The following SNIP1 variants were observed in gnomAD, a reference collection of about 807,000 sequenced individuals.
SNIP1 encodes the protein smad nuclear-interacting protein 1.
SNIP1 carries 23 observed loss-of-function variants against 37.4 expected under a neutral mutation model. That is an observed-to-expected ratio of 0.61 (90% CI 0.44 to 0.87). The LOEUF is 0.87. Among genes scored for constraint, SNIP1 ranks in the 40% least tolerant of loss-of-function variants. SNIP1 has a pLI of 0.00. For synonymous variants in SNIP1, 174 were observed against 200.0 expected (o/e 0.87, Z 1.10); for missense variants, 459 against 540.4 (o/e 0.85, Z 1.49).
At chr1:37,547,561 C>T (rs1174765658) in intron 2 of SNIP1, among the ~76,000 whole-genome samples, 2 of 151,320 alleles carry the variant, frequency 1.3e-5, no homozygotes, top group Admixed American at 1.3e-4. Flanking sequence ...TGGTGAAACC[C>T]CGTCTCTACT....
At chr1:37,553,737 T>C (rs1398543934) in intron 1 of SNIP1, among the ~76,000 whole-genome samples, 2 of 152,092 alleles carry the variant, frequency 1.3e-5, no homozygotes, top group African/African-American at 4.8e-5. Flanking sequence ...ATCAGTGCTA[T>C]CTGTTGGGCC....
Position 37,552,682 on chromosome 1 carries a change from T to C in SNIP1, c.290A>G (p.Asn97Ser). Residue 97 changes from asparagine (N) to serine (S), a missense_variant, in exon 2 of 4, where the codon AAC becomes AGC. By Grantham distance (46) the Asn-to-Ser change is conservative. Transcript: ENST00000296215. ...RRSKSPRSKR[N>S]RSPHHSTVKV... ...GACTGTTGAGTGGTGAGGACTTCGG[T>C]TTCTCTTACTGCGAGGAGACTTGCT... 6.2e-7 allele frequency: 1 copy of C among 1,614,184 alleles called. No individual in the cohort carries two copies. Among genetic ancestry groups the C allele is most frequent in the Non-Finnish European group, 8.5e-7 (1 of 1,180,016 alleles).
chr1:37,551,073 TG>T (rs1643295212), intron 2 of SNIP1, among the ~76,000 whole-genome samples: 4 of 61,636 alleles, frequency 6.5e-5, no homozygotes, highest in Non-Finnish European at 1.6e-4. Flanking sequence ...CCAGCCTGGG[TG>T]ACACACACAC....
In SNIP1 at chr1:37,534,793, G is replaced by A. The variant is rs1643065501; in HGVS notation, c.*2955C>T. The A allele has an allele frequency of 6.6e-6, 1 of 152,184 alleles. No individual in the cohort carries two copies. The highest frequency in any genetic ancestry group is 1.5e-5 in the Non-Finnish European group (1 of 68,040). 9.4% of individuals were successfully genotyped at this position (152,184 alleles called of 1,614,324 possible). On this transcript the variant is annotated 3_prime_UTR_variant, in exon 4 of 4. Coordinates refer to ENST00000296215, the MANE Select transcript of SNIP1 (RefSeq NM_024700.4). ...CTCTGCAGAATCATGGACCCCCACA[G>A]AGGACTTAGGGGAGGGGCTCAGAAG...
intron 3 of SNIP1, among the ~76,000 whole-genome samples, chr1:37,539,017 G>A (rs924868470): frequency 1.3e-5 from 2 of 152,112 alleles, no homozygotes; most frequent in Non-Finnish European, 2.9e-5. Flanking sequence ...GATCTAGGTT[G>A]CGCGCTCCTT....
intron 2 of SNIP1, among the ~76,000 whole-genome samples, chr1:37,545,804 AAATAAT>A (rs1170075120): frequency 6.6e-6 from 1 of 152,068 alleles, no homozygotes; most frequent in Non-Finnish European, 1.5e-5. Flanking sequence ...CCCTCTCTAA[AAATAAT>A]AATAAAAATA....
chr1:37,546,223 T>C (rs1481216235), intron 2 of SNIP1, among the ~76,000 whole-genome samples: 1 of 150,862 alleles, frequency 6.6e-6, no homozygotes, highest in East Asian at 2.0e-4. Context: ...TCAGTTTTTC[T>C]AGACTTCCTA....
At chr1:37,549,828 C>A (rs575013670) in intron 2 of SNIP1, among the ~76,000 whole-genome samples, 1 of 152,284 alleles carries the variant, frequency 6.6e-6, no homozygotes, top group South Asian at 2.1e-4. Context: ...TCAGTCCATA[C>A]AATTTCAAGA....
chr1:37,554,277 T>C lies in SNIP1; in HGVS notation c.-48A>G, dbSNP rs1471844536. On this transcript the variant is annotated 5_prime_UTR_variant, in exon 1 of 4. Coordinates refer to ENST00000296215, the MANE Select transcript of SNIP1 (RefSeq NM_024700.4). ...AGAAAACAGATCAGTTGAGCTCCTCTAGCTGGAGGAAATGACGAGTTTAAC... is the reference window on the plus strand; with the variant it reads ...AGAAAACAGATCAGTTGAGCTCCTCCAGCTGGAGGAAATGACGAGTTTAAC... 6.6e-6 allele frequency: 10 copies of C among 1,519,354 alleles called. No individual in the cohort carries two copies. Among genetic ancestry groups the C allele is most frequent in the Admixed American group, 2.1e-5 (1 of 47,736 alleles). The allele number at this position is 1,519,354 out of a possible 1,614,324, so 94.1% of individuals were successfully genotyped here.
chr1:37,548,102 G>A (rs1273917054), intron 2 of SNIP1, among the ~76,000 whole-genome samples: 5 of 131,764 alleles, frequency 3.8e-5, no homozygotes, highest in East Asian at 2.4e-4. Flanking sequence ...GCAGTAAGCC[G>A]AGATCGCACC....
At chr1:37,538,932 C>T (rs1383541042) in intron 3 of SNIP1, among the ~76,000 whole-genome samples, 4 of 152,148 alleles carry the variant, frequency 2.6e-5, no homozygotes, top group Admixed American at 6.6e-5. Context: ...GCCTGAGCTC[C>T]GCCTCCTGTC....
chr1:37,543,338 T>C (rs1314336623), intron 2 of SNIP1, among the ~76,000 whole-genome samples: 2 of 152,100 alleles, frequency 1.3e-5, no homozygotes, highest in Non-Finnish European at 2.9e-5. Context: ...AAATCAATCC[T>C]ACAGAAATAC....
chr1:37,546,890 G>C (rs1643245434), intron 2 of SNIP1, among the ~76,000 whole-genome samples: 1 of 152,100 alleles, frequency 6.6e-6, no homozygotes, highest in African/African-American at 2.4e-5. Flanking sequence ...ATCTAACAGA[G>C]TTAATCACTC....
At chr1:37,548,733 C>CAAAAAA (rs1434961366) in intron 2 of SNIP1, 1 of 68,636 alleles carries the variant, frequency 1.5e-5, no homozygotes, top group African/African-American at 5.7e-5. Context: ...GACTCCGTCT[C>CAAAAAA]AAAAAAAAAA....
chr1:37,552,510 G>A (rs1291909932), intron 2 of SNIP1, 135 bp downstream of exon 2: 3 of 660,696 alleles, frequency 4.5e-6, no homozygotes, highest in South Asian at 4.4e-5. Flanking sequence ...AAAGCCCATC[G>A]GAGGTACAAG....
rs147613529 is a variant in SNIP1 at position 37,540,562 on chromosome 1, G to A, written c.521C>T (p.Ala174Val). The A allele has an allele frequency of 1.1e-3, 1,716 of 1,614,042 alleles. 8 individuals carry two copies. In the Middle Eastern group the frequency reaches 0.03, roughly 28 times the overall value. Residue 174 changes from alanine (A) to valine (V), a missense_variant, in exon 3 of 4, where the codon GCT (alanine) becomes GTT (valine). Ala to Val is a moderately conservative substitution (Grantham distance 64). Coordinates refer to ENST00000296215, the MANE Select transcript of SNIP1 (RefSeq NM_024700.4). This position sits in a 1 kb window ranked among gnomAD's most constrained non-coding sequence, Gnocchi z 5.6. ...GRDRDTQNLQ[A>V]QEEEREFYNA... ...ATAAAACTCCCGCTCTTCTTCCTGA[G>A]CCTGCAGGTTCTGAGTGTCTCGATC...
At position 37,553,989 on chromosome 1, in the gene SNIP1, A is replaced by T; in HGVS notation, c.224+17T>A. ...GAGCCCAACCCAATGTCCATCCTGG[A>T]CTGCTCCCCCACTTACCGGCTAACT... On this transcript the variant is annotated intron_variant, in intron 1 of 3. Transcript: ENST00000296215. 6.4e-7 allele frequency: 1 copy of T among 1,552,078 alleles called. No homozygotes were observed. Among genetic ancestry groups the T allele is most frequent in the Non-Finnish European group, 8.7e-7 (1 of 1,148,308 alleles).
In SNIP1 at chr1:37,545,070, T is replaced by C. The variant is rs1289680970; in HGVS notation, c.328-4315A>G. 6.7e-6 allele frequency: 5 copies of C among 749,014 alleles called. No individual in the cohort carries two copies. In the Admixed American group the frequency reaches 8.6e-5, roughly 13 times the overall value. 46.4% of individuals were successfully genotyped at this position (749,014 alleles called of 1,614,324 possible). A position where few individuals can be genotyped will look rare whatever the true frequency, so the allele number is the denominator to read the frequency against. On this transcript the variant is annotated intron_variant, in intron 2 of 3. Transcript: ENST00000296215. ...AATGCGATGGAGCATGCATTACATT[T>C]GGAAAAACTTGGGAATCAGTCACTA... is the stretch of plus-strand genomic sequence containing the variant.
intron 3 of SNIP1, among the ~76,000 whole-genome samples, chr1:37,539,815 G>A (rs1246085833): frequency 6.6e-6 from 1 of 152,214 alleles, no homozygotes; most frequent in African/African-American, 2.4e-5. Flanking sequence ...GCTGGGCACA[G>A]AGGCACACGC....
Sources: gnomAD v4.1 joint callset for allele counts (sites outside exome capture counted in the v4.1 genomes callset) on GRCh38, gnomAD v4.1.1 for gene constraint, Gnocchi (gnomAD v3.1) non-coding constraint, MANE v1.5 for transcripts, NCBI Gene and HGNC (gene_info 2026-07-23, HGNC 2026-07-21) for gene names.